The following RETREG1 variants were observed in gnomAD, a reference collection of about 807,000 sequenced individuals.
The protein encoded by RETREG1 is reticulophagy regulator 1.
In RETREG1, 44 loss-of-function variants were observed where a neutral mutation model predicts 54.8. That is an observed-to-expected ratio of 0.80 (90% CI 0.63 to 1.03). The LOEUF is 1.03. RETREG1 is among the 50% of genes least tolerant of loss of function. RETREG1 has a pLI of 0.00. For missense variants in RETREG1, 554 were observed against 605.1 expected (o/e 0.92, Z 0.89); for synonymous variants, 217 against 238.5 (o/e 0.91, Z 0.83).
intron 1 of RETREG1, among the ~76,000 whole-genome samples, chr5:16,590,624 G>A (rs2451848): frequency 0.13 from 20,522 of 152,150 alleles, 1,403 homozygotes; most frequent in Non-Finnish European, 0.16. Flanking sequence ...GACTCGAGGC[G>A]GGCTGTCTCC....
intron 3 of RETREG1, among the ~76,000 whole-genome samples, chr5:16,487,110 A>G (rs1292617770): frequency 6.6e-6 from 1 of 152,204 alleles, no homozygotes; most frequent in Non-Finnish European, 1.5e-5. Flanking sequence ...CATAAGGCCC[A>G]ACTAACATAA....
At chr5:16,551,860 G>A (rs569523651) in intron 3 of RETREG1, among the ~76,000 whole-genome samples, 23 of 152,290 alleles carry the variant, frequency 1.5e-4, no homozygotes, top group Admixed American at 3.9e-4. Context: ...CGGGGAGATG[G>A]TGTCTCCTGG....
At chr5:16,581,653 TGA>T (rs1742486975) in intron 1 of RETREG1, among the ~76,000 whole-genome samples, 1 of 151,966 alleles carries the variant, frequency 6.6e-6, no homozygotes, top group South Asian at 2.1e-4. Context: ...AGAACCCAAG[TGA>T]TTAGAAGCAA....
intron 3 of RETREG1, among the ~76,000 whole-genome samples, chr5:16,532,085 A>T (rs1301903800): frequency 6.6e-6 from 1 of 152,232 alleles, no homozygotes; most frequent in Non-Finnish European, 1.5e-5. Flanking sequence ...CTTTGAGATT[A>T]AACAATAGTT....
intron 1 of RETREG1, among the ~76,000 whole-genome samples, chr5:16,579,354 C>A (rs1655256444): frequency 6.6e-6 from 1 of 152,202 alleles, no homozygotes; most frequent in African/African-American, 2.4e-5. Context: ...TCCAGGCAGC[C>A]TGGCTCTAAG....
intron 3 of RETREG1, among the ~76,000 whole-genome samples, chr5:16,512,516 C>T (rs1238434809): frequency 6.6e-6 from 1 of 152,054 alleles, no homozygotes; most frequent in African/African-American, 2.4e-5. Flanking sequence ...AAAACCATTG[C>T]CACTTCAAAG....
chr5:16,508,832 G>A, intron 3 of RETREG1: 1 of 1,428,860 alleles, frequency 7.0e-7, no homozygotes. Context: ...CTTGAATGAA[G>A]CTAGGAGCTG....
intron 3 of RETREG1, among the ~76,000 whole-genome samples, chr5:16,522,666 T>C (rs1240952): frequency 0.85 from 129,933 of 152,156 alleles, 55,557 homozygotes; most frequent in Middle Eastern, 0.88. Context: ...AGCCCCCTCT[T>C]CTATGGACAT....
chr5:16,611,253 A>G (rs1440205917), intron 1 of RETREG1, among the ~76,000 whole-genome samples: 4 of 152,130 alleles, frequency 2.6e-5, no homozygotes, highest in Admixed American at 6.5e-5. Context: ...AGGGCCTGTC[A>G]TGGGGTCGGG....
intron 1 of RETREG1, among the ~76,000 whole-genome samples, chr5:16,577,037 GCA>G (rs68174462): frequency 3.9e-4 from 58 of 150,622 alleles, no homozygotes; most frequent in East Asian, 1.2e-3. Flanking sequence ...TTGTGTGCAC[GCA>G]CACACACACA....
chr5:16,616,936 C>T lies in RETREG1; in HGVS notation c.36G>A (p.Glu12=), dbSNP rs1743537663. The T allele has an allele frequency of 6.8e-7, 1 of 1,465,586 alleles. No individual in the cohort carries two copies. Among genetic ancestry groups the T allele is most frequent in the South Asian group, 1.3e-5 (1 of 76,430 alleles). The allele number at this position is 1,465,586 out of a possible 1,614,324, so 90.8% of individuals were successfully genotyped here. The change falls in exon 1 of 9, where the codon GAG becomes GAA. Residue 12 remains glutamate (E), a synonymous_variant. Coordinates refer to ENST00000306320, the MANE Select transcript of RETREG1 (RefSeq NM_001034850.3). ...ASPAPPEHAE[E]GCPAPAAEEQ... is the part of the protein sequence containing the mutation. Reference sequence around the variant, plus strand: ...CCTCGGCGGCAGGAGCCGGGCATCCCTCCTCGGCGTGCTCCGGAGGCGCCG... The same window carrying T: ...CCTCGGCGGCAGGAGCCGGGCATCCTTCCTCGGCGTGCTCCGGAGGCGCCG...
At chr5:16,480,947 G>T in intron 5 of RETREG1, 62 bp downstream of exon 5, 1 of 1,133,752 alleles carries the variant, frequency 8.8e-7, no homozygotes, top group Non-Finnish European at 1.3e-6. Flanking sequence ...CTACAGGTCT[G>T]TTGACCGTAA....
Position 16,483,330 on chromosome 5 carries a change from T to C in RETREG1, c.585+16A>G. ...ACTGAACATTTTAAAACATACTCCTTTACTGGAAAACTTGCCTTGCCAGGG... is the reference window on the plus strand; with the variant it reads ...ACTGAACATTTTAAAACATACTCCTCTACTGGAAAACTTGCCTTGCCAGGG... On this transcript the variant is annotated intron_variant, in intron 4 of 8. Coordinates refer to ENST00000306320, the MANE Select transcript of RETREG1 (RefSeq NM_001034850.3). The C allele has an allele frequency of 6.2e-7, 1 of 1,612,812 alleles. No individual in the cohort carries two copies. Among genetic ancestry groups the C allele is most frequent in the Non-Finnish European group, 8.5e-7 (1 of 1,178,984 alleles).
intron 4 of RETREG1, among the ~76,000 whole-genome samples, chr5:16,481,415 T>C (rs1365710509): frequency 3.3e-5 from 5 of 152,098 alleles, no homozygotes; most frequent in Admixed American, 2.6e-4. Context: ...AAAACTATTA[T>C]GTTCCCAGAA....
In RETREG1 at chr5:16,483,009, G is replaced by A. The variant is rs1738864193; in HGVS notation, c.585+337C>T. ...CTATGTATTCATTTCATCTCCCTTTGACTTCAGCACCAGGCTAAATACGAT... is the reference window on the plus strand; with the variant it reads ...CTATGTATTCATTTCATCTCCCTTTAACTTCAGCACCAGGCTAAATACGAT... On this transcript the variant is annotated intron_variant, in intron 4 of 8. Transcript: ENST00000306320. 1.6e-5 allele frequency: 4 copies of A among 246,612 alleles called. 1 individual carries two copies. The South Asian group carries it at 2.3e-4, about 14-fold the overall frequency. 15.3% of individuals were successfully genotyped at this position (246,612 alleles called of 1,614,324 possible).
chr5:16,595,657 T>G (rs1742879994), intron 1 of RETREG1, among the ~76,000 whole-genome samples: 2 of 152,204 alleles, frequency 1.3e-5, no homozygotes, highest in African/African-American at 4.8e-5. Context: ...CTGTTTCAAG[T>G]AGATGTGATC....
chr5:16,525,461 AAC>A (rs1224096356), intron 3 of RETREG1, among the ~76,000 whole-genome samples: 1 of 152,094 alleles, frequency 6.6e-6, no homozygotes, highest in Admixed American at 6.6e-5. Context: ...AATGGGAAAC[AAC>A]TGTTCCTAGG....
intron 1 of RETREG1, among the ~76,000 whole-genome samples, chr5:16,601,048 G>T (rs539607126): frequency 2.6e-5 from 4 of 150,948 alleles, no homozygotes; most frequent in African/African-American, 9.9e-5. Flanking sequence ...GAAGTCTGAC[G>T]TTTGACCAGT....
At chr5:16,521,498 A>C (rs1292474943) in intron 3 of RETREG1, among the ~76,000 whole-genome samples, 1 of 152,214 alleles carries the variant, frequency 6.6e-6, no homozygotes, top group Non-Finnish European at 1.5e-5. Context: ...TGAGAAATTT[A>C]GAACAAATCA....
Sources: allele counts gnomAD v4.1 joint callset (sites outside exome capture counted in the v4.1 genomes callset), GRCh38; gene constraint gnomAD v4.1.1; transcripts MANE v1.5; gene names NCBI Gene and HGNC (gene_info 2026-07-23, HGNC 2026-07-21).